Variants in KHDRBS2 observed in about 807,000 individuals in gnomAD.
KHDRBS2 encodes KH RNA binding domain containing, signal transduction associated 2, also known as KH domain-containing, RNA-binding, signal transduction-associated protein 2.
KHDRBS2 carries 26 observed loss-of-function variants against 44.3 expected under a neutral mutation model. The observed-to-expected ratio is 0.59, with a 90% CI of 0.43 to 0.81. KHDRBS2 has a LOEUF of 0.81. KHDRBS2 is among the 40% of genes least tolerant of loss of function. The pLI is 0.00. For synonymous variants in KHDRBS2, 194 were observed against 151.1 expected (o/e 1.28, Z -2.08); for missense variants, 476 against 433.1 (o/e 1.10, Z -0.88).
At chr6:61,565,318 G>T in the KHDRBS2 span, among the ~76,000 whole-genome samples, 1 of 151,958 alleles carries the variant, frequency 6.6e-6, no homozygotes, top group Non-Finnish European at 1.5e-5. Flanking sequence ...GGACAAATGG[G>T]ATTACATCAA....
chr6:61,700,360 A>T (rs933294224), intron 7 of KHDRBS2, among the ~76,000 whole-genome samples: 1 of 150,876 alleles, frequency 6.6e-6, no homozygotes. Context: ...GTCTATCATA[A>T]GTGATACATA....
intron 1 of KHDRBS2, among the ~76,000 whole-genome samples, chr6:62,266,089 G>C (rs1394654640): frequency 6.6e-6 from 1 of 152,062 alleles, no homozygotes; most frequent in Non-Finnish European, 1.5e-5. Context: ...AGGAGATGGG[G>C]CTGACAAGCC....
In KHDRBS2 at chr6:61,915,254, G is replaced by T. The variant is rs184362338; in HGVS notation, c.484-13883C>A. ...CTACAGAAACCCAATTACTACAGAAGACTCTTATAACAATCCAGACAAAAG... is the reference window on the plus strand; with the variant it reads ...CTACAGAAACCCAATTACTACAGAATACTCTTATAACAATCCAGACAAAAG... On this transcript the variant is annotated intron_variant, in intron 4 of 8. Coordinates refer to ENST00000281156, the MANE Select transcript of KHDRBS2 (RefSeq NM_152688.4). Among the ~76,000 whole-genome samples, 242 of 152,118 alleles carry T rather than the reference G, an allele frequency of 1.6e-3. 7 individuals are homozygous for T. In the South Asian group the frequency reaches 0.046, roughly 29 times the overall value.
At chr6:61,755,608 G>T (rs575578238) in intron 6 of KHDRBS2, among the ~76,000 whole-genome samples, 89 of 151,938 alleles carry the variant, frequency 5.9e-4, no homozygotes, top group Middle Eastern at 3.4e-3. Flanking sequence ...TCAGGAGTTC[G>T]AGACCAGCCT....
chr6:61,690,821 T>C (rs746278067), intron 8 of KHDRBS2, among the ~76,000 whole-genome samples: 2 of 151,926 alleles, frequency 1.3e-5, no homozygotes, highest in African/African-American at 2.4e-5. Context: ...CAGATACTGA[T>C]AGGAAAAAAT....
chr6:61,796,796 C>T (rs1447389992), intron 6 of KHDRBS2, among the ~76,000 whole-genome samples: 1 of 152,036 alleles, frequency 6.6e-6, no homozygotes, highest in African/African-American at 2.4e-5. Context: ...CAATTTTACC[C>T]CACATGTTGT....
At chr6:62,182,912 T>G (rs1044758920) in intron 1 of KHDRBS2, among the ~76,000 whole-genome samples, 2 of 151,832 alleles carry the variant, frequency 1.3e-5, no homozygotes, top group Non-Finnish European at 2.9e-5. Context: ...AATATTTCAG[T>G]GAAAGGAGCT....
At chr6:61,675,503 A>G (rs745824103), downstream of KHDRBS2, among the ~76,000 whole-genome samples, 1 of 151,784 alleles carries the variant, frequency 6.6e-6, no homozygotes, top group African/African-American at 2.4e-5. Flanking sequence ...TTCAACGGTT[A>G]TTAAGCTAAA....
the KHDRBS2 span, among the ~76,000 whole-genome samples, chr6:61,667,880 G>A: frequency 2.0e-5 from 3 of 151,066 alleles, no homozygotes; most frequent in African/African-American, 7.3e-5. Flanking sequence ...TAAATCATTT[G>A]AATATTACTT....
At chr6:61,717,759 A>G (rs183570032) in intron 7 of KHDRBS2, among the ~76,000 whole-genome samples, 1 of 152,168 alleles carries the variant, frequency 6.6e-6, no homozygotes, top group South Asian at 2.1e-4. Flanking sequence ...GCCTAAAAAC[A>G]GTAAATAATT....
At chr6:61,575,500 T>G in the KHDRBS2 span, among the ~76,000 whole-genome samples, 1 of 152,216 alleles carries the variant, frequency 6.6e-6, no homozygotes, top group Non-Finnish European at 1.5e-5. Flanking sequence ...ACTTTTACAC[T>G]GCTGGTGAGA....
intron 2 of KHDRBS2, among the ~76,000 whole-genome samples, chr6:62,107,485 G>A (rs2127379822): frequency 6.6e-6 from 1 of 152,276 alleles, no homozygotes; most frequent in African/African-American, 2.4e-5. Context: ...TCATGGGTAG[G>A]AAGAATCAAT....
the KHDRBS2 span, among the ~76,000 whole-genome samples, chr6:61,565,260 T>C: frequency 2.0e-5 from 3 of 152,134 alleles, no homozygotes; most frequent in Non-Finnish European, 4.4e-5. Flanking sequence ...ATGTGGCAAA[T>C]GATTTCTTGA....
chr6:61,786,503 T>C (rs986318754), intron 6 of KHDRBS2, among the ~76,000 whole-genome samples: 46 of 151,904 alleles, frequency 3.0e-4, no homozygotes, highest in Admixed American at 3.0e-3. Context: ...AAAGCAAAGA[T>C]CAAACAATCT....
At chr6:61,650,474 G>A in the KHDRBS2 span, among the ~76,000 whole-genome samples, 1 of 150,512 alleles carries the variant, frequency 6.6e-6, no homozygotes, top group Admixed American at 6.6e-5. Context: ...CTAAATATTT[G>A]TTAATTGAAA....
chr6:62,206,145 C>T (rs1827926654), intron 1 of KHDRBS2, among the ~76,000 whole-genome samples: 1 of 152,134 alleles, frequency 6.6e-6, no homozygotes, highest in Non-Finnish European at 1.5e-5. Flanking sequence ...CAGAGAACCT[C>T]ACTAAAAGTA....
At chr6:61,822,158 G>T (rs1338029779) in intron 6 of KHDRBS2, among the ~76,000 whole-genome samples, 2 of 151,888 alleles carry the variant, frequency 1.3e-5, no homozygotes, top group Non-Finnish European at 2.9e-5. Context: ...GACCTGTATT[G>T]CCCACTGCCA....
At chr6:61,847,477 A>G (rs1390719486) in intron 6 of KHDRBS2, among the ~76,000 whole-genome samples, 7 of 152,134 alleles carry the variant, frequency 4.6e-5, no homozygotes, top group Admixed American at 6.6e-5. Context: ...TTAGTCAATT[A>G]GCTACCACAC....
intron 1 of KHDRBS2, among the ~76,000 whole-genome samples, chr6:62,273,256 C>T (rs1840370267): frequency 1.3e-5 from 2 of 152,138 alleles, no homozygotes; most frequent in South Asian, 4.1e-4. Context: ...TAGCTCTCCT[C>T]CCCTATGAAG....
Sources: gnomAD v4.1 joint callset for allele counts (sites outside exome capture counted in the v4.1 genomes callset) on GRCh38, gnomAD v4.1.1 for gene constraint, MANE v1.5 for transcripts, NCBI Gene and HGNC (gene_info 2026-07-23, HGNC 2026-07-21) for gene names.